Variants in TPD52 observed in about 807,000 individuals in gnomAD.
The protein encoded by TPD52 is prostate and colon associated protein.
In TPD52, 17 loss-of-function variants were observed where a neutral mutation model predicts 31.3. The observed-to-expected ratio is 0.54, with a 90% confidence interval of 0.37 to 0.82. The LOEUF is 0.82. Among genes scored for constraint, TPD52 ranks in the 40% least tolerant of loss-of-function variants. The probability of loss-of-function intolerance (pLI) is 0.00; values close to 1 mark genes in which losing one functional copy is unlikely to be tolerated. For missense variants in TPD52, 212 were observed against 240.1 expected (o/e 0.88, Z 0.77); for synonymous variants, 83 against 89.6 (o/e 0.93, Z 0.42).
chr8:80,170,986 A>C (rs971193359), intron 1 of TPD52: 3 of 380,294 alleles, frequency 7.9e-6, no homozygotes, highest in Non-Finnish European at 1.0e-5. Context: ...GAAGGCAGAA[A>C]GTCTTAATTT....
intron 3 of TPD52, 191 bp downstream of exon 3, chr8:80,053,091 A>T: frequency 1.9e-6 from 1 of 517,028 alleles, no homozygotes; most frequent in Non-Finnish European, 3.3e-6. Context: ...ATTCCTTAGA[A>T]TAAGTGGTCT....
rs1373929672 is a variant in TPD52, at chr8:80,053,401, T to C, written c.165A>G (p.Gln55=). 1 of 1,613,544 alleles carries C rather than the reference T, an allele frequency of 6.2e-7. No homozygotes were observed. The highest frequency in any genetic ancestry group is 8.5e-7 in the Non-Finnish European group (1 of 1,179,644). Residue 55 remains glutamine (Q), a synonymous_variant, in exon 3 of 8, where the codon CAA becomes CAG. Coordinates refer to ENST00000518937, the MANE Select transcript of TPD52 (RefSeq NM_001025253.3). ...KVEEEIQTLS[Q]VLAAKEKHLA... The stretch of plus-strand genomic sequence containing the variant: ...GATGCTTCTCTTTTGCTGCTAACAC[T>C]TGAGACAGAGTCTGGATTTCTTCTT...
rs892865900 is a variant in TPD52 at position 80,036,216 on chromosome 8, A to G, written c.*1900T>C. On this transcript the variant is annotated 3_prime_UTR_variant, in exon 8 of 8. Transcript: ENST00000518937. ...TGAGGGTATTTCACTCATCTAAAGA[A>G]ATTGCCACTTTACTCCATTTTGCCT... 10 of 152,434 alleles carry G rather than the reference A, an allele frequency of 6.6e-5. No homozygotes were observed. Among genetic ancestry groups the G allele is most frequent in the Non-Finnish European group, 2.9e-5 (2 of 68,034 alleles). The allele number at this position is 152,434 out of a possible 1,614,324, so 9.4% of individuals were successfully genotyped here.
chr8:80,114,005 G>A (rs528639065), intron 1 of TPD52, among the ~76,000 whole-genome samples: 3 of 152,150 alleles, frequency 2.0e-5, no homozygotes, highest in African/African-American at 4.8e-5. Flanking sequence ...AGCACTTTGG[G>A]AAGTTGAAGC....
At chr8:80,154,739 ACACACACAC>A (rs1451495592) in intron 1 of TPD52, among the ~76,000 whole-genome samples, 35,735 of 137,686 alleles carry the variant, frequency 0.26, 4,926 homozygotes, top group East Asian at 0.48. Flanking sequence ...ACACACACAC[ACACACACAC>A]ACACAAAACA....
chr8:80,066,172 C>T (rs35439867), intron 1 of TPD52, among the ~76,000 whole-genome samples: 81,048 of 151,914 alleles, frequency 0.53, 22,542 homozygotes, highest in East Asian at 0.7. Context: ...AAGCAGCCAG[C>T]GTCGCAGCAA....
At chr8:80,135,193 C>T (rs1205387750) in intron 1 of TPD52, among the ~76,000 whole-genome samples, 1 of 152,238 alleles carries the variant, frequency 6.6e-6, no homozygotes, top group Non-Finnish European at 1.5e-5. Context: ...TAGATGTACA[C>T]ACGGTTGTTG....
At chr8:80,143,359 G>A (rs1476262902) in intron 1 of TPD52, among the ~76,000 whole-genome samples, 1 of 152,152 alleles carries the variant, frequency 6.6e-6, no homozygotes, top group Non-Finnish European at 1.5e-5. Context: ...TACAAATCCC[G>A]AATGAGGGTC....
intron 1 of TPD52, among the ~76,000 whole-genome samples, chr8:80,127,960 T>TCTGTG (rs1413149679): frequency 6.6e-6 from 1 of 151,886 alleles, no homozygotes; most frequent in Non-Finnish European, 1.5e-5. Context: ...TTTGTACTCT[T>TCTGTG]CTGTGCTGCT....
chr8:80,168,928 G>GA (rs758002215), intron 1 of TPD52, among the ~76,000 whole-genome samples: 11 of 152,210 alleles, frequency 7.2e-5, no homozygotes, highest in African/African-American at 1.2e-4. Context: ...ACATAAAGAT[G>GA]AAAAGGCAGG....
intron 1 of TPD52, among the ~76,000 whole-genome samples, chr8:80,066,004 G>C (rs1813105098): frequency 6.7e-6 from 1 of 148,218 alleles, no homozygotes. Flanking sequence ...TCCTGCCAGT[G>C]AGCATCACAG....
rs190842011 is a variant in TPD52, at chr8:80,104,581, C to T, written c.20-39988G>A. 3.2e-3 allele frequency among the ~76,000 whole-genome samples: 475 copies of T among 147,684 alleles called. 3 individuals carry two copies. Among genetic ancestry groups the T allele is most frequent in the Non-Finnish European group, 2.9e-3 (195 of 67,152 alleles). On this transcript the variant is annotated intron_variant, in intron 1 of 7. Coordinates refer to ENST00000518937, the MANE Select transcript of TPD52 (RefSeq NM_001025253.3). ...TCTCTATTTAAAAAAAAAAAAACAA[C>T]AACAAAAAAAACAGAAATGAGAAGT...
At chr8:80,167,987 CTCTAGTTAGCAACACTGCTCTA>C (rs1294820298) in intron 1 of TPD52, among the ~76,000 whole-genome samples, 1 of 152,194 alleles carries the variant, frequency 6.6e-6, no homozygotes, top group Non-Finnish European at 1.5e-5. Flanking sequence ...ACAATGTATG[CTCTAGTTAGCAACACTGCTCTA>C]TCAAAGTAGG....
chr8:80,136,544 A>AAAAAAAAAG (rs1809444890), intron 1 of TPD52, among the ~76,000 whole-genome samples: 1 of 150,428 alleles, frequency 6.6e-6, no homozygotes, highest in Non-Finnish European at 1.5e-5. Context: ...AAAAAAAAAA[A>AAAAAAAAAG]AAAAAAAGAA....
At chr8:80,146,251 G>A (rs1389426048) in intron 1 of TPD52, among the ~76,000 whole-genome samples, 1 of 152,200 alleles carries the variant, frequency 6.6e-6, no homozygotes, top group East Asian at 1.9e-4. Flanking sequence ...TGGATGTATA[G>A]CCCCTGGAAG....
In TPD52 at chr8:80,132,821, AT is replaced by A. The variant is rs1429142758; in HGVS notation, c.19+38603del. Reference sequence around the variant, plus strand: ...CCACTATTGATTCAGAGAAAGAAACATGGGTCTCCTGCCTGACACTGTACCA... The same window carrying A: ...CCACTATTGATTCAGAGAAAGAAACAGGGTCTCCTGCCTGACACTGTACCA... On this transcript the variant is annotated intron_variant, in intron 1 of 7. Coordinates refer to ENST00000518937, the MANE Select transcript of TPD52 (RefSeq NM_001025253.3). Among the ~76,000 whole-genome samples the A allele has an allele frequency of 2.0e-5, 3 of 152,288 alleles. No homozygotes were observed. In the East Asian group the frequency reaches 5.8e-4, roughly 29 times the overall value.
chr8:80,167,404 C>T (rs1408959987), intron 1 of TPD52, among the ~76,000 whole-genome samples: 1 of 152,206 alleles, frequency 6.6e-6, no homozygotes, highest in Non-Finnish European at 1.5e-5. Flanking sequence ...ATACATTATT[C>T]TGTTTTGAAA....
At chr8:80,156,666 A>C (rs1255743057) in intron 1 of TPD52, among the ~76,000 whole-genome samples, 1 of 152,156 alleles carries the variant, frequency 6.6e-6, no homozygotes, top group African/African-American at 2.4e-5. Context: ...AGAATAGGAG[A>C]AACAAGGAGA....
intron 1 of TPD52, among the ~76,000 whole-genome samples, chr8:80,086,422 G>T (rs1240669432): frequency 6.6e-6 from 1 of 151,882 alleles, no homozygotes; most frequent in Non-Finnish European, 1.5e-5. Flanking sequence ...TGACCGGAAG[G>T]TTCTAGTTTT....
Sources: gnomAD v4.1 joint callset for allele counts (sites outside exome capture counted in the v4.1 genomes callset) on GRCh38, gnomAD v4.1.1 for gene constraint, MANE v1.5 for transcripts, NCBI Gene and HGNC (gene_info 2026-07-23, HGNC 2026-07-21) for gene names.